Variants in RBM3 observed in about 807,000 individuals in gnomAD.
The protein encoded by RBM3 is RNA binding motif protein 3, also known as RNA-binding protein 3.
RBM3 carries 3 observed loss-of-function variants against 12.0 expected under a neutral mutation model. The ratio of observed to expected loss-of-function variants is 0.25; its 90% CI spans 0.11 to 0.65. RBM3 has a LOEUF of 0.65. RBM3 is among the 30% of genes least tolerant of loss of function. The pLI is 0.84. For synonymous variants in RBM3, 58 were observed against 45.7 expected, an observed-to-expected ratio of 1.27 and a Z score of -1.08; for missense variants, 108 against 134.5, an observed-to-expected ratio of 0.80 and a Z score of 0.97.
intron 6 of RBM3, 175 bp downstream of exon 6, chrX:48,577,284 T>G: frequency 9.4e-7 from 1 of 1,058,847 alleles, no homozygotes; most frequent in Non-Finnish European, 1.2e-6. Flanking sequence ...CAGAGCAAGT[T>G]TGCTAGGGGG....
In RBM3 at chrX:48,575,201, GC is replaced by G; in HGVS notation, c.22del (p.Leu8SerfsTer57). The stretch of plus-strand genomic sequence containing the variant: ...CTGCCATGTCCTCTGAAGAAGGAAA[GC>G]TCTTCGTGGGAGGGCTCAACTTTAA... Reference protein sequence around the residue: MSSEEGKLFVGGLNFNTD... With the variant: MSSEEGKXFVGGLNFNTD... On this transcript the variant is annotated frameshift_variant, in exon 2 of 7. Transcript: ENST00000376759. LOFTEE classifies it high-confidence loss of function. 1 of 1,207,537 alleles carries G rather than the reference GC, an allele frequency of 8.3e-7. No individual in the cohort carries two copies. Among genetic ancestry groups the G allele is most frequent in the East Asian group, 3.0e-5 (1 of 33,762 alleles).
intron 6 of RBM3, 112 bp from the exon 7 acceptor site, chrX:48,577,353 A>G: frequency 1.2e-6 from 1 of 863,454 alleles, no homozygotes; most frequent in South Asian, 2.6e-5. Flanking sequence ...GGAGGAAATG[A>G]AGGTGTGTCC....
rs1166998122 is a variant in RBM3 at position 48,581,001 on chromosome X, G to A, written c.*3560G>A. 1 of 98,107 alleles carries A rather than the reference G, an allele frequency of 1.0e-5. No individual in the cohort carries two copies. The highest frequency in any genetic ancestry group is 2.0e-5 in the Non-Finnish European group (1 of 49,735). 8.1% of individuals were successfully genotyped at this position (98,107 alleles called of 1,213,427 possible). ...TGAGGCTTCTTATAACCTTTACTCA[G>A]TGGGAATATGCATACAGTTCACTAC... On this transcript the variant is annotated 3_prime_UTR_variant, in exon 7 of 7. Transcript: ENST00000376759.
At chrX:48,576,264 A>G in intron 3 of RBM3, 50 bp from the exon 4 acceptor site, 1 of 1,179,119 alleles carries the variant, frequency 8.5e-7, no homozygotes, top group Non-Finnish European at 1.1e-6. Context: ...TTCCCTCACC[A>G]TTGCCCTGAC....
rs1665510265 is a variant in RBM3 at position 48,576,539 on chromosome X, GTAT to G, written c.352_354del (p.Tyr118del). On this transcript the variant is annotated inframe_deletion, in exon 5 of 7. Transcript: ENST00000376759. ...GGGACCAGGGCTATGGGAGTGGCAG[GTAT>G]TATGACAGTCGACCTGGAGGGTATG... 8.4e-7 allele frequency: 1 copy of G among 1,190,997 alleles called. No homozygotes were observed. Among genetic ancestry groups the G allele is most frequent in the Non-Finnish European group, 1.1e-6 (1 of 884,557 alleles).
rs2062099766 is a variant in RBM3, at chrX:48,581,066, T to TG, written c.*3630dup. On this transcript the variant is annotated 3_prime_UTR_variant, in exon 7 of 7. Coordinates refer to ENST00000376759, the MANE Select transcript of RBM3 (RefSeq NM_006743.5). ...TTACTTAGAGGAAGTGCCCTGGATC[T>TG]GGGGGCGGGGGGGGGCGGGGGGAAT... The TG allele has an allele frequency of 1.3e-3, 2 of 1,589 alleles. No individual in the cohort carries two copies. Among genetic ancestry groups the TG allele is most frequent in the African/African-American group, 7.5e-3 (2 of 266 alleles). The allele number at this position is 1,589 out of a possible 1,213,427, so 0.1% of individuals were successfully genotyped here.
At chrX:48,576,111 C>T (rs2062078584) in intron 3 of RBM3, 1 of 1,149,522 alleles carries the variant, frequency 8.7e-7, no homozygotes, top group African/African-American at 1.8e-5. Flanking sequence ...GAACATGGTG[C>T]ATTCAGGTCA....
chrX:48,575,142 C>T, intron 1 of RBM3, 26 bp from the exon 2 acceptor site: 1 of 1,069,504 alleles, frequency 9.4e-7, no homozygotes, highest in East Asian at 3.0e-5. Flanking sequence ...TCCTTCCTGC[C>T]ACCATTCTTC....
intron 3 of RBM3, 151 bp from the exon 4 acceptor site, chrX:48,576,163 G>T: frequency 8.6e-7 from 1 of 1,166,144 alleles, no homozygotes; most frequent in South Asian, 1.9e-5. Flanking sequence ...GCCATTCTGG[G>T]GTAAAGGAGC....
chrX:48,576,411 A>C lies in RBM3; in HGVS notation c.308A>C (p.Tyr103Ser). 1 of 1,208,427 alleles carries C rather than the reference A, an allele frequency of 8.3e-7. No homozygotes were observed. Among genetic ancestry groups the C allele is most frequent in the Non-Finnish European group, 1.1e-6 (1 of 894,218 alleles). Residue 103 changes from tyrosine (Y) to serine (S), a missense_variant, in exon 4 of 7, where the codon TAC becomes TCC. Tyr to Ser is a moderately radical substitution (Grantham distance 144). Coordinates refer to ENST00000376759, the MANE Select transcript of RBM3 (RefSeq NM_006743.5). ...GGGGCCCATGGGCGTGGTCGCAGCT[A>C]CTCTAGAGGTGAGTGCAGTGATCGT... The part of the protein sequence containing the change: ...GFGAHGRGRS[Y>S]SRGGGDQGYG...
rs369907034 is a variant in RBM3 at position 48,579,809 on chromosome X, C to T, written c.*2368C>T. 1.2e-4 allele frequency: 13 copies of T among 111,915 alleles called. No homozygotes were observed. Among genetic ancestry groups the T allele is most frequent in the South Asian group, 3.7e-4 (1 of 2,703 alleles). 9.2% of individuals were successfully genotyped at this position (111,915 alleles called of 1,213,427 possible). A position where few individuals can be genotyped will look rare whatever the true frequency, so the allele number is the denominator to read the frequency against. ...TTTGTATAACAACTCTAAACCTGCTCTGCTCTGCTGTGTTTACAATGTGCT... is the reference window on the plus strand; with the variant it reads ...TTTGTATAACAACTCTAAACCTGCTTTGCTCTGCTGTGTTTACAATGTGCT... On this transcript the variant is annotated 3_prime_UTR_variant, in exon 7 of 7. Coordinates refer to ENST00000376759, the MANE Select transcript of RBM3 (RefSeq NM_006743.5).
intron 2 of RBM3, 86 bp from the exon 3 acceptor site, chrX:48,575,475 C>T: frequency 1.1e-6 from 1 of 898,753 alleles, no homozygotes; most frequent in Non-Finnish European, 1.6e-6. Flanking sequence ...CCTACCTATG[C>T]CATCTCCTTT....
chrX:48,576,059 A>G lies in RBM3; in HGVS notation c.211-255A>G, dbSNP rs186003033. The G allele has an allele frequency of 2.7e-6, 3 of 1,103,166 alleles. No homozygotes were observed. The Admixed American group carries it at 8.4e-5, about 31-fold the overall frequency. 90.9% of individuals were successfully genotyped at this position (1,103,166 alleles called of 1,213,427 possible). A position where few individuals can be genotyped will look rare whatever the true frequency, so the allele number is the denominator to read the frequency against. On this transcript the variant is annotated intron_variant, in intron 3 of 6. Coordinates refer to ENST00000376759, the MANE Select transcript of RBM3 (RefSeq NM_006743.5). ...GGCAGCTTAGAGGAGTGGGGAGGAG[A>G]ACTCAGCCTGAGTTCAGTCAAGATG...
At position 48,577,023 on chromosome X, in the gene RBM3, C is replaced by T. The variant is rs782695281; in HGVS notation, c.414-3C>T. On this transcript the variant is annotated splice_region_variant and splice_polypyrimidine_tract_variant and intron_variant, in intron 5 of 6. Transcript: ENST00000376759. Reference sequence around the variant, plus strand: ...ACTTTTGTGTGTTTTTTTTCCCCCCCAGAAACCAGGGTGGTTATGACCGCT... The same window carrying T: ...ACTTTTGTGTGTTTTTTTTCCCCCCTAGAAACCAGGGTGGTTATGACCGCT... 5.8e-4 allele frequency: 705 copies of T among 1,207,065 alleles called. No individual in the cohort carries two copies. The highest frequency in any genetic ancestry group is 6.7e-4 in the Non-Finnish European group (601 of 894,320).
intron 1 of RBM3, chrX:48,574,884 A>C (rs1202344077): frequency 6.0e-5 from 24 of 399,281 alleles, no homozygotes; most frequent in Admixed American, 4.5e-4. Context: ...CGTTAAGGGA[A>C]CGCAGGGATG....
intron 6 of RBM3, 75 bp downstream of exon 6, chrX:48,577,184 G>T: frequency 8.4e-7 from 1 of 1,192,630 alleles, no homozygotes; most frequent in Non-Finnish European, 1.1e-6. Flanking sequence ...TTTCTGGCAA[G>T]ACTGCTCTGC....
At position 48,579,621 on chromosome X, in the gene RBM3, T is replaced by C. The variant is rs895480538; in HGVS notation, c.*2180T>C. On this transcript the variant is annotated 3_prime_UTR_variant, in exon 7 of 7. Transcript: ENST00000376759. The stretch of plus-strand genomic sequence containing the variant: ...GTGAGAATTGGCAGGAGGACTGCTG[T>C]GAATGCCTTGTAGGTCGGGGGATTG... Among the ~76,000 whole-genome samples the C allele has an allele frequency of 8.1e-5, 9 of 111,571 alleles. No individual in the cohort carries two copies. The highest frequency in any genetic ancestry group is 1.5e-4 in the Non-Finnish European group (8 of 53,079).
chrX:48,576,211 C>A (rs191249795), intron 3 of RBM3, 103 bp from the exon 4 acceptor site: 1 of 1,166,280 alleles, frequency 8.6e-7, no homozygotes, highest in Non-Finnish European at 1.1e-6. Context: ...TGGTGCCCAG[C>A]AGGAATTTTT....
chrX:48,575,773 C>T (rs2062077601), intron 3 of RBM3, 106 bp downstream of exon 3: 3 of 760,909 alleles, frequency 3.9e-6, no homozygotes, highest in Admixed American at 3.3e-5. Context: ...CACCAAGCCC[C>T]GCAGTGCCCA....
Sources: allele counts gnomAD v4.1 joint callset (sites outside exome capture counted in the v4.1 genomes callset), GRCh38; gene constraint gnomAD v4.1.1; transcripts MANE v1.5; gene names NCBI Gene and HGNC (gene_info 2026-07-23, HGNC 2026-07-21).